The following ALKBH4 variants were observed in gnomAD, a reference collection of about 807,000 sequenced individuals.
The protein encoded by ALKBH4 is alpha-ketoglutarate-dependent dioxygenase alkB homolog 4.
A neutral mutation model predicts 12.1 loss-of-function variants in ALKBH4; 8 were observed. The ratio of observed to expected loss-of-function variants is 0.66; its 90% CI spans 0.39 to 1.19. The LOEUF (loss-of-function observed/expected upper bound fraction) is 1.19, where lower values mean the gene tolerates loss of function less well. ALKBH4 is among the 50% of genes most tolerant of loss of function. The pLI, the probability that ALKBH4 is intolerant of heterozygous loss-of-function variation, is 0.01. For synonymous variants in ALKBH4, 195 were observed against 191.6 expected (o/e 1.02, Z -0.15); for missense variants, 403 against 430.4 (o/e 0.94, Z 0.56).
At chr7:102,460,696 GA>G (rs774295556) in intron 1 of ALKBH4, among the ~76,000 whole-genome samples, 24 of 152,172 alleles carry the variant, frequency 1.6e-4, no homozygotes, top group African/African-American at 4.3e-4. Context: ...CTGCTTCCAG[GA>G]GGCCCCAAAC....
At chr7:102,460,066 A>G (rs1797759260) in intron 1 of ALKBH4, among the ~76,000 whole-genome samples, 1 of 151,818 alleles carries the variant, frequency 6.6e-6, no homozygotes, top group Non-Finnish European at 1.5e-5. Flanking sequence ...AAGCTGGAGA[A>G]TTGCTTAAAC....
In ALKBH4 at chr7:102,457,830, T is replaced by C. The variant is rs555762247; in HGVS notation, c.473A>G (p.Tyr158Cys). 32 of 1,610,658 alleles carry C rather than the reference T, an allele frequency of 2.0e-5. No homozygotes were observed. In the East Asian group the frequency reaches 6.2e-4, roughly 31 times the overall value. ...AATGGCAGAGCCCCGCTCGGGGCAG[T>C]AGTCCAGGTTGCACTGCTCGACGGG... ...FRPVEQCNLD[Y>C]CPERGSAIDP... Residue 158 changes from tyrosine (Y) to cysteine (C), a missense_variant, in exon 3 of 3, where the codon TAC becomes TGC. Tyr to Cys is a radical substitution (Grantham distance 194). Coordinates refer to ENST00000292566, the MANE Select transcript of ALKBH4 (RefSeq NM_017621.4). The surrounding 1 kb of genome is among the most constrained non-coding windows in gnomAD (Gnocchi z 5.9).
Position 102,457,452 on chromosome 7 carries a change from T to G in ALKBH4, c.851A>C (p.Gln284Pro). The change falls in exon 3 of 3, where the codon CAA (glutamine) becomes CCA (proline). Residue 284 changes from glutamine to proline, a missense_variant. By Grantham distance (76) the Gln-to-Pro change is moderately conservative. Coordinates refer to ENST00000292566, the MANE Select transcript of ALKBH4 (RefSeq NM_017621.4). This position sits in a 1 kb window ranked among gnomAD's most constrained non-coding sequence, Gnocchi z 5.9. ...SAEFGPGGRQQELGQELLRIA... is the reference protein window; with the variant it reads ...SAEFGPGGRQPELGQELLRIA... Reference sequence around the variant, plus strand: ...CCGCAGCAGTTCCTGGCCCAGCTCTTGCTGCCTCCCTCCAGGGCCAAACTC... The same window carrying G: ...CCGCAGCAGTTCCTGGCCCAGCTCTGGCTGCCTCCCTCCAGGGCCAAACTC... The G allele has an allele frequency of 6.2e-7, 1 of 1,613,492 alleles. No homozygotes were observed. Among genetic ancestry groups the G allele is most frequent in the Non-Finnish European group, 8.5e-7 (1 of 1,180,006 alleles).
rs1251629491 is a variant in ALKBH4 at position 102,464,841 on chromosome 7, C to T, written c.-5G>A. 3 of 1,509,644 alleles carry T rather than the reference C, an allele frequency of 2.0e-6. No individual in the cohort carries two copies. Among genetic ancestry groups the T allele is most frequent in the Admixed American group, 2.3e-5 (1 of 43,030 alleles). The allele number at this position is 1,509,644 out of a possible 1,614,324, so 93.5% of individuals were successfully genotyped here. A position where few individuals can be genotyped will look rare whatever the true frequency, so the allele number is the denominator to read the frequency against. ...CTCGGCGGCAGCCGCCGCCATCGCG[C>T]CGTCCGCGTGGCCAGTGCGCAGGCG... On this transcript the variant is annotated 5_prime_UTR_variant, in exon 1 of 3. Transcript: ENST00000292566.
chr7:102,458,063 C>G (rs1456446597), intron 2 of ALKBH4, 82 bp from the exon 3 acceptor site: 1 of 1,382,760 alleles, frequency 7.2e-7, no homozygotes, highest in Non-Finnish European at 9.7e-7. Flanking sequence ...AGAATTCAGT[C>G]ATAGTGACCC....
At position 102,456,610 on chromosome 7, in the gene ALKBH4, C is replaced by T. The variant is rs1214675457; in HGVS notation, c.*784G>A. The T allele has an allele frequency of 6.6e-6, 1 of 152,196 alleles. No homozygotes were observed. The highest frequency in any genetic ancestry group is 2.4e-5 in the African/African-American group (1 of 41,448). The allele number at this position is 152,196 out of a possible 1,614,324, so 9.4% of individuals were successfully genotyped here. Reference sequence around the variant, plus strand: ...AAGGAGGCTCTCAGATTTCCCTGCCCTCCTCACATCCCCCAACCCTCCCTG... The same window carrying T: ...AAGGAGGCTCTCAGATTTCCCTGCCTTCCTCACATCCCCCAACCCTCCCTG... On this transcript the variant is annotated 3_prime_UTR_variant, in exon 3 of 3. Transcript: ENST00000292566.
intron 1 of ALKBH4, among the ~76,000 whole-genome samples, chr7:102,460,978 C>T (rs1232768078): frequency 6.6e-6 from 1 of 152,196 alleles, no homozygotes; most frequent in Admixed American, 6.5e-5. Flanking sequence ...CCCCATGTCC[C>T]TCTCTGCTCT....
chr7:102,458,075 G>A, intron 2 of ALKBH4, 94 bp from the exon 3 acceptor site: 1 of 1,309,914 alleles, frequency 7.6e-7, no homozygotes, highest in Non-Finnish European at 1.0e-6. Context: ...TAGTGACCCA[G>A]GCAAGCAAAA....
In ALKBH4 at chr7:102,461,755, T is replaced by C. The variant is rs145844862; in HGVS notation, c.124-1954A>G. ...ATTTTACATGGATTATCTAGTTTCA[T>C]CCCCAGGACAGCCCCAAGAGGAAGG... On this transcript the variant is annotated intron_variant, in intron 1 of 2. Coordinates refer to ENST00000292566, the MANE Select transcript of ALKBH4 (RefSeq NM_017621.4). Among the ~76,000 whole-genome samples the C allele has an allele frequency of 5.1e-3, 780 of 152,270 alleles. 13 individuals carry two copies. The highest frequency in any genetic ancestry group is 0.018 in the African/African-American group (749 of 41,542).
At position 102,457,359 on chromosome 7, in the gene ALKBH4, C is replaced by T. The variant is rs772451759; in HGVS notation, c.*35G>A. ...CTGTTCTGTGCTCCTCATTTCAATC[C>T]CGGGATCAGTCAAGTCTGGAGCCAA... On this transcript the variant is annotated 3_prime_UTR_variant, in exon 3 of 3. Transcript: ENST00000292566. This position sits in a 1 kb window ranked among gnomAD's most constrained non-coding sequence, Gnocchi z 5.9. 2.5e-6 allele frequency: 4 copies of T among 1,577,450 alleles called. No homozygotes were observed. The Admixed American group carries it at 6.8e-5, about 27-fold the overall frequency.
intron 1 of ALKBH4, among the ~76,000 whole-genome samples, chr7:102,462,606 G>A (rs1316319800): frequency 2.6e-5 from 4 of 151,952 alleles, no homozygotes; most frequent in African/African-American, 7.3e-5. Context: ...AGACTCAGGC[G>A]AGCCTCCTGC....
At position 102,457,712 on chromosome 7, in the gene ALKBH4, C is replaced by T. The variant is rs373086939; in HGVS notation, c.591G>A (p.Ala197=). The T allele has an allele frequency of 1.3e-4, 199 of 1,555,116 alleles. No individual in the cohort carries two copies. In the African/African-American group the frequency reaches 2.2e-3, roughly 17 times the overall value. ...SPTVLSMCRE[A]PGSLLLCSAP... Reference sequence around the variant, plus strand: ...CCGAGCAGAGGAGCAGGCTCCCGGGCGCCTCCCGACACATGGACAGCACGG... The same window carrying T: ...CCGAGCAGAGGAGCAGGCTCCCGGGTGCCTCCCGACACATGGACAGCACGG... Residue 197 remains alanine (A), a synonymous_variant, in exon 3 of 3, where the codon GCG becomes GCA. Coordinates refer to ENST00000292566, the MANE Select transcript of ALKBH4 (RefSeq NM_017621.4). This position sits in a 1 kb window ranked among gnomAD's most constrained non-coding sequence, Gnocchi z 5.9.
At chr7:102,460,463 G>C (rs1029496149) in intron 1 of ALKBH4, among the ~76,000 whole-genome samples, 5 of 152,330 alleles carry the variant, frequency 3.3e-5, no homozygotes, top group African/African-American at 9.6e-5. Flanking sequence ...TGGAGTCTAG[G>C]GGGAGGTGCA....
In ALKBH4 at chr7:102,464,828, C is replaced by T; in HGVS notation, c.9G>A (p.Ala3=). 6.6e-7 allele frequency: 1 copy of T among 1,518,290 alleles called. No homozygotes were observed. The highest frequency in any genetic ancestry group is 8.8e-7 in the Non-Finnish European group (1 of 1,138,046). 94.1% of individuals were successfully genotyped at this position (1,518,290 alleles called of 1,614,324 possible). MA[A]AAAETPEVLR... is the part of the protein sequence containing the mutation. The stretch of plus-strand genomic sequence containing the variant: ...GGACTTCGGGGGTCTCGGCGGCAGC[C>T]GCCGCCATCGCGCCGTCCGCGTGGC... Residue 3 remains alanine, a synonymous_variant, in exon 1 of 3, where the codon GCG becomes GCA. Transcript: ENST00000292566.
In ALKBH4 at chr7:102,457,108, T is replaced by C. The variant is rs4727525; in HGVS notation, c.*286A>G. The C allele has an allele frequency of 0.091, 30,855 of 337,558 alleles. 3,370 individuals carry two copies. Among genetic ancestry groups the C allele is most frequent in the East Asian group, 0.44 (7,918 of 17,862 alleles). 20.9% of individuals were successfully genotyped at this position (337,558 alleles called of 1,614,324 possible). A position where few individuals can be genotyped will look rare whatever the true frequency, so the allele number is the denominator to read the frequency against. ...CCTCCCAAAGTGTTAGGATTACAGG[T>C]GTGAGCCACTGTGCCCGGCCCCCAG... On this transcript the variant is annotated 3_prime_UTR_variant, in exon 3 of 3. Transcript: ENST00000292566. This position sits in a 1 kb window ranked among gnomAD's most constrained non-coding sequence, Gnocchi z 5.9.
Position 102,457,322 on chromosome 7 carries a change from T to C in ALKBH4, c.*72A>G, listed in dbSNP as rs1797675880. 2 of 1,492,308 alleles carry C rather than the reference T, an allele frequency of 1.3e-6. No individual in the cohort carries two copies. Among genetic ancestry groups the C allele is most frequent in the South Asian group, 1.3e-5 (1 of 79,602 alleles). 92.4% of individuals were successfully genotyped at this position (1,492,308 alleles called of 1,614,324 possible). Reference sequence around the variant, plus strand: ...CCATCTTCTCTTGAAACCCCGTGAGTTGCAGGAGGCCCTGTTCTGTGCTCC... The same window carrying C: ...CCATCTTCTCTTGAAACCCCGTGAGCTGCAGGAGGCCCTGTTCTGTGCTCC... On this transcript the variant is annotated 3_prime_UTR_variant, in exon 3 of 3. Coordinates refer to ENST00000292566, the MANE Select transcript of ALKBH4 (RefSeq NM_017621.4). The surrounding 1 kb of genome is among the most constrained non-coding windows in gnomAD (Gnocchi z 5.9).
At position 102,457,776 on chromosome 7, in the gene ALKBH4, C is replaced by G. The variant is rs748144049; in HGVS notation, c.527G>C (p.Trp176Ser). The G allele has an allele frequency of 1.3e-6, 2 of 1,599,000 alleles. No individual in the cohort carries two copies. The highest frequency in any genetic ancestry group is 1.3e-5 in the African/African-American group (1 of 74,790). ...GTTGAGGCTGACCAGCCGCTCCCCC[C>G]ACAGCCAGGCGTCGTCCAGGTGGGG... ...IDPHLDDAWL[W>S]GERLVSLNLL... Residue 176 changes from tryptophan (W) to serine (S), a missense_variant, in exon 3 of 3, where the codon TGG (tryptophan) becomes TCG (serine). Transcript: ENST00000292566. The surrounding 1 kb of genome is among the most constrained non-coding windows in gnomAD (Gnocchi z 5.9).
At position 102,464,780 on chromosome 7, in the gene ALKBH4, G is replaced by A. The variant is rs1771676065; in HGVS notation, c.57C>T (p.Gly19=). The A allele has an allele frequency of 6.4e-7, 1 of 1,572,980 alleles. No homozygotes were observed. Among genetic ancestry groups the A allele is most frequent in the Non-Finnish European group, 8.6e-7 (1 of 1,163,460 alleles). ...GCTCGCAGATCAGACAGGTCCGGAT[G>A]CCCTTGCAACCGCATTCCCGAAGGA... ...PEVLRECGCK[G]IRTCLICERQ... The change falls in exon 1 of 3, where the codon GGC becomes GGT. Residue 19 remains glycine, a synonymous_variant. Coordinates refer to ENST00000292566, the MANE Select transcript of ALKBH4 (RefSeq NM_017621.4).
rs566351595 is a variant in ALKBH4, at chr7:102,456,833, A to G, written c.*561T>C. 1 of 141,290 alleles carries G rather than the reference A, an allele frequency of 7.1e-6. No individual in the cohort carries two copies. The highest frequency in any genetic ancestry group is 1.6e-5 in the Non-Finnish European group (1 of 64,112). The allele number at this position is 141,290 out of a possible 1,614,324, so 8.8% of individuals were successfully genotyped here. A position where few individuals can be genotyped will look rare whatever the true frequency, so the allele number is the denominator to read the frequency against. On this transcript the variant is annotated 3_prime_UTR_variant, in exon 3 of 3. Coordinates refer to ENST00000292566, the MANE Select transcript of ALKBH4 (RefSeq NM_017621.4). ...GGTGAAAATCATTTAAAATGTTCCCATTTTTTTTTTTTTTCAAAACAGTCT... is the reference window on the plus strand; with the variant it reads ...GGTGAAAATCATTTAAAATGTTCCCGTTTTTTTTTTTTTTCAAAACAGTCT...
Sources: allele counts gnomAD v4.1 joint callset (sites outside exome capture counted in the v4.1 genomes callset), GRCh38; gene constraint gnomAD v4.1.1; non-coding constraint Gnocchi (gnomAD v3.1); transcripts MANE v1.5; gene names NCBI Gene and HGNC (gene_info 2026-07-23, HGNC 2026-07-21).